SGSM1: variants seen among roughly 807,000 people sequenced by gnomAD.
SGSM1 encodes small G protein signaling modulator 1.
A neutral mutation model predicts 133.8 loss-of-function variants in SGSM1; 73 were observed. That is an observed-to-expected ratio of 0.55 (90% CI 0.45 to 0.66). The LOEUF (loss-of-function observed/expected upper bound fraction) is 0.66, where lower values mean the gene tolerates loss of function less well. SGSM1 is among the 30% of genes least tolerant of loss of function. SGSM1 has a pLI of 0.00. For missense variants in SGSM1, 1,213 were observed against 1,448.1 expected, an observed-to-expected ratio of 0.84 and a Z score of 2.64; for synonymous variants, 563 against 573.0, an observed-to-expected ratio of 0.98 and a Z score of 0.25.
chr22:24,891,704 T>C (rs1932817083), intron 16 of SGSM1, among the ~76,000 whole-genome samples: 1 of 152,048 alleles, frequency 6.6e-6, no homozygotes, highest in Non-Finnish European at 1.5e-5. Context: ...TGGTGGTCAC[T>C]GGTGGGATTG....
At chr22:24,899,060 TATA>T (rs1319549738) in intron 19 of SGSM1, among the ~76,000 whole-genome samples, 3 of 150,306 alleles carry the variant, frequency 2.0e-5, no homozygotes, top group Non-Finnish European at 3.0e-5. Context: ...TGTACAGTGT[TATA>T]ATATTTTATG....
chr22:24,892,943 C>A (rs1273133516), intron 16 of SGSM1, among the ~76,000 whole-genome samples: 1 of 151,278 alleles, frequency 6.6e-6, no homozygotes, highest in Non-Finnish European at 1.5e-5. Context: ...TGCCTGTAGT[C>A]CCAGCTACTC....
At chr22:24,818,092 C>A (rs1047611506) in intron 2 of SGSM1, among the ~76,000 whole-genome samples, 2 of 115,674 alleles carry the variant, frequency 1.7e-5, no homozygotes, top group Non-Finnish European at 4.0e-5. Flanking sequence ...ATTAGCCGGG[C>A]GTGGTGGTGG....
At chr22:24,865,140 G>T (rs1303571406) in intron 9 of SGSM1, among the ~76,000 whole-genome samples, 1 of 152,224 alleles carries the variant, frequency 6.6e-6, no homozygotes, top group East Asian at 1.9e-4. Context: ...ATGGCTGGTG[G>T]TAGCTTTGTT....
intron 3 of SGSM1, among the ~76,000 whole-genome samples, chr22:24,846,846 GT>G (rs1015538854): frequency 6.1e-4 from 89 of 145,654 alleles, no homozygotes; most frequent in Admixed American, 1.0e-3. Context: ...GTTTTTTGGG[GT>G]TTTTTTTTTT....
In SGSM1 at chr22:24,898,402, G is replaced by A. The variant is rs2073201; in HGVS notation, c.2453G>A (p.Arg818Lys). The A allele has an allele frequency of 0.062, 99,608 of 1,613,754 alleles. 5,112 individuals carry two copies. The highest frequency in any genetic ancestry group is 0.24 in the East Asian group (10,967 of 44,834). ...EKDDVVMEGW[R>K]SSETEKHGQA... is the part of the protein sequence containing the mutation. Reference sequence around the variant, plus strand: ...GACGATGTTGTGATGGAGGGCTGGAGGAGCAGCGAGACAGAGAAACATGGC... The same window carrying A: ...GACGATGTTGTGATGGAGGGCTGGAAGAGCAGCGAGACAGAGAAACATGGC... Residue 818 changes from arginine (R) to lysine (K), a missense_variant, in exon 19 of 25, where the codon AGG becomes AAG. Arg to Lys is a conservative substitution (Grantham distance 26). Coordinates refer to ENST00000400358, the MANE Select transcript of SGSM1 (RefSeq NM_001098497.3).
Position 24,924,211 on chromosome 22 carries a change from G to C in SGSM1, c.3219G>C (p.Lys1073Asn). Reference protein sequence around the residue: ...FNEMAERHNTKQVLKLARDLV... With the variant: ...FNEMAERHNTNQVLKLARDLV... ...AAATGGCTGAGCGACACAACACCAA[G>C]CAAGTCCTGAAGCTGGCGCGGGACC... The change falls in exon 25 of 25, where the codon AAG becomes AAC. Residue 1073 changes from lysine to asparagine, a missense_variant. By Grantham distance (94) the Lys-to-Asn change is moderately conservative (BLOSUM62 0). Transcript: ENST00000400358. 6.2e-7 allele frequency: 1 copy of C among 1,613,960 alleles called. No individual in the cohort carries two copies. Among genetic ancestry groups the C allele is most frequent in the East Asian group, 2.2e-5 (1 of 44,872 alleles).
At chr22:24,807,697 G>A (rs1045474776) in intron 2 of SGSM1, among the ~76,000 whole-genome samples, 4 of 152,118 alleles carry the variant, frequency 2.6e-5, no homozygotes, top group African/African-American at 9.7e-5. Flanking sequence ...TCTGGGCCTG[G>A]CTTTCAGTGT....
chr22:24,864,191 GC>G (rs750393754), intron 9 of SGSM1, among the ~76,000 whole-genome samples: 2 of 152,182 alleles, frequency 1.3e-5, no homozygotes. Flanking sequence ...TCCGATCTCA[GC>G]CCTACTGTGT....
intron 5 of SGSM1, among the ~76,000 whole-genome samples, chr22:24,851,126 A>G (rs1023398525): frequency 2.0e-5 from 3 of 151,578 alleles, no homozygotes; most frequent in Non-Finnish European, 4.4e-5. Flanking sequence ...AAAAGAAAAA[A>G]AGAAAATGCA....
chr22:24,926,792 T>G lies in SGSM1; in HGVS notation c.*2518T>G, dbSNP rs1934222917. 1 of 152,122 alleles carries G rather than the reference T, an allele frequency of 6.6e-6. No individual in the cohort carries two copies. The highest frequency in any genetic ancestry group is 6.5e-5 in the Admixed American group (1 of 15,268). The allele number at this position is 152,122 out of a possible 1,614,324, so 9.4% of individuals were successfully genotyped here. On this transcript the variant is annotated 3_prime_UTR_variant, in exon 25 of 25. Transcript: ENST00000400358. ...GCCCACATATCTTGTAAATGTTTGC[T>G]GAAGAGTTGTGTCTATATATAGAGA...
intron 2 of SGSM1, among the ~76,000 whole-genome samples, chr22:24,841,751 G>A (rs565553302): frequency 2.0e-5 from 3 of 152,262 alleles, no homozygotes; most frequent in Admixed American, 2.0e-4. Flanking sequence ...TTTAGAAGTT[G>A]GTGCTGTTTT....
At chr22:24,846,902 G>A (rs1248789290) in intron 3 of SGSM1, among the ~76,000 whole-genome samples, 7 of 151,330 alleles carry the variant, frequency 4.6e-5, no homozygotes, top group South Asian at 2.1e-4. Flanking sequence ...GTGCAGTGGC[G>A]CGATCTCAGC....
At chr22:24,823,652 G>A (rs1171116778) in intron 2 of SGSM1, among the ~76,000 whole-genome samples, 2 of 151,638 alleles carry the variant, frequency 1.3e-5, no homozygotes, top group Non-Finnish European at 2.9e-5. Context: ...TATTGTCTTG[G>A]CTGGACGCAG....
chr22:24,917,864 G>C (rs1933874536), intron 23 of SGSM1, 110 bp downstream of exon 23: 1 of 783,470 alleles, frequency 1.3e-6, no homozygotes, highest in Non-Finnish European at 2.1e-6. Flanking sequence ...GGCAGCAGAG[G>C]AGAGAAGCAC....
chr22:24,887,491 A>G (rs899048839), intron 16 of SGSM1, among the ~76,000 whole-genome samples: 2 of 152,176 alleles, frequency 1.3e-5, no homozygotes, highest in African/African-American at 4.8e-5. Context: ...CTGTTGCTAG[A>G]CAGCTGAGTT....
intron 2 of SGSM1, among the ~76,000 whole-genome samples, chr22:24,832,567 A>G (rs1929179776): frequency 6.6e-6 from 1 of 152,234 alleles, no homozygotes; most frequent in African/African-American, 2.4e-5. Context: ...ATAATGAGCG[A>G]ATAATACAGA....
intron 21 of SGSM1, among the ~76,000 whole-genome samples, chr22:24,905,583 C>A (rs999085673): frequency 6.6e-6 from 1 of 151,768 alleles, no homozygotes; most frequent in Non-Finnish European, 1.5e-5. Flanking sequence ...GTCAGGAGAT[C>A]GAGACCATCC....
chr22:24,916,911 C>T (rs1276674369), intron 22 of SGSM1, among the ~76,000 whole-genome samples: 1 of 152,054 alleles, frequency 6.6e-6, no homozygotes, highest in Non-Finnish European at 1.5e-5. Context: ...TAGGGTCTCA[C>T]TCTGTCACCC....
Sources: allele counts gnomAD v4.1 joint callset (sites outside exome capture counted in the v4.1 genomes callset), GRCh38; gene constraint gnomAD v4.1.1; transcripts MANE v1.5; gene names NCBI Gene and HGNC (gene_info 2026-07-23, HGNC 2026-07-21).